SLC9A9: variants seen among roughly 807,000 people sequenced by gnomAD.
SLC9A9 encodes solute carrier family 9 member A9.
Under a neutral mutation model 77.8 loss-of-function variants are expected in SLC9A9, and 62 were observed. That is an observed-to-expected ratio of 0.80 (90% CI 0.65 to 0.98). The LOEUF is 0.98. Among genes scored for constraint, SLC9A9 ranks in the 50% least tolerant of loss-of-function variants. The pLI is 0.00. For missense variants in SLC9A9, 775 were observed against 774.9 expected (o/e 1.00, Z 0.00); for synonymous variants, 320 against 283.5 (o/e 1.13, Z -1.29).
rs112818143 is a variant in SLC9A9 at position 143,651,888 on chromosome 3, G to T, written c.755+367C>A. Among the ~76,000 whole-genome samples, 547 of 152,226 alleles carry T rather than the reference G, an allele frequency of 3.6e-3. 6 individuals are homozygous for T. Among genetic ancestry groups the T allele is most frequent in the African/African-American group, 0.013 (526 of 41,512 alleles). ...TGCCAATCTGCCCATAAATACAAGG[G>T]TTTCTATTAGACTATTATCTGGAAA... On this transcript the variant is annotated intron_variant, in intron 6 of 15. Transcript: ENST00000316549.
chr3:143,517,524 T>C, intron 9 of SLC9A9: 2 of 1,597,660 alleles, frequency 1.3e-6, no homozygotes, highest in Middle Eastern at 2.3e-4. Flanking sequence ...TCATACTTTC[T>C]CCGATGTTCT....
chr3:143,700,182 C>G (rs1243209972), intron 4 of SLC9A9, among the ~76,000 whole-genome samples: 1 of 152,082 alleles, frequency 6.6e-6, no homozygotes, highest in African/African-American at 2.4e-5. Context: ...TAACCAGCAA[C>G]AATACCCATG....
At chr3:143,786,151 G>A (rs972977509) in intron 4 of SLC9A9, among the ~76,000 whole-genome samples, 3 of 152,002 alleles carry the variant, frequency 2.0e-5, no homozygotes, top group East Asian at 1.9e-4. Flanking sequence ...CACCGCGCCC[G>A]GCCAACTTGA....
intron 12 of SLC9A9, among the ~76,000 whole-genome samples, chr3:143,430,327 G>A (rs548556386): frequency 6.6e-6 from 1 of 152,288 alleles, no homozygotes; most frequent in South Asian, 2.1e-4. Flanking sequence ...TCACTTGGAA[G>A]GGGAGGATAG....
chr3:143,408,620 C>G (rs1559903044), intron 12 of SLC9A9, among the ~76,000 whole-genome samples: 1 of 152,190 alleles, frequency 6.6e-6, no homozygotes, highest in East Asian at 1.9e-4. Flanking sequence ...GCGAAATTCT[C>G]CAGATTAAAT....
intron 9 of SLC9A9, among the ~76,000 whole-genome samples, chr3:143,501,373 A>G (rs956378734): frequency 6.6e-6 from 1 of 150,846 alleles, no homozygotes; most frequent in Admixed American, 6.6e-5. Context: ...GGACATTTGC[A>G]TAATTTTAAT....
intron 4 of SLC9A9, among the ~76,000 whole-genome samples, chr3:143,718,736 T>C (rs1261471418): frequency 6.6e-6 from 1 of 152,236 alleles, no homozygotes; most frequent in Non-Finnish European, 1.5e-5. Flanking sequence ...CAGTATCTCG[T>C]GTATTGAACA....
chr3:143,277,855 T>G (rs769337044), intron 14 of SLC9A9, among the ~76,000 whole-genome samples: 1 of 152,168 alleles, frequency 6.6e-6, no homozygotes, highest in Non-Finnish European at 1.5e-5. Flanking sequence ...ACTGTGCTCC[T>G]CCGTTCCAAG....
chr3:143,384,654 T>A (rs2033379247), intron 12 of SLC9A9, among the ~76,000 whole-genome samples: 1 of 152,130 alleles, frequency 6.6e-6, no homozygotes, highest in African/African-American at 2.4e-5. Context: ...TTCTTTCATT[T>A]GATGGGGACT....
chr3:143,528,472 A>C (rs754104919), intron 9 of SLC9A9, among the ~76,000 whole-genome samples: 3 of 152,214 alleles, frequency 2.0e-5, no homozygotes, highest in Non-Finnish European at 4.4e-5. Context: ...CAGTGTGATA[A>C]GTGGGTGATC....
intron 9 of SLC9A9, among the ~76,000 whole-genome samples, chr3:143,530,668 A>AAC (rs1350423871): frequency 2.1e-5 from 3 of 141,250 alleles, no homozygotes; most frequent in South Asian, 2.2e-4. Flanking sequence ...CAAACAAACA[A>AAC]ACAAACAAAA....
intron 12 of SLC9A9, among the ~76,000 whole-genome samples, chr3:143,390,929 G>A (rs1484777563): frequency 6.6e-6 from 1 of 152,232 alleles, no homozygotes; most frequent in Non-Finnish European, 1.5e-5. Flanking sequence ...GCTGAGGCTT[G>A]AGTAGGTAAA....
At chr3:143,775,596 G>T (rs183087422) in intron 4 of SLC9A9, among the ~76,000 whole-genome samples, 156 of 152,332 alleles carry the variant, frequency 1.0e-3, no homozygotes, top group African/African-American at 3.6e-3. Context: ...CTGCTGAGCT[G>T]CAGCTGGTGT....
chr3:143,571,967 G>A (rs1170808401), intron 8 of SLC9A9, among the ~76,000 whole-genome samples: 1 of 152,224 alleles, frequency 6.6e-6, no homozygotes, highest in East Asian at 1.9e-4. Flanking sequence ...TGTAGCAAAT[G>A]TCTGTTAGGC....
At chr3:143,782,699 G>A (rs576763077) in intron 4 of SLC9A9, among the ~76,000 whole-genome samples, 6 of 152,268 alleles carry the variant, frequency 3.9e-5, no homozygotes, top group Admixed American at 6.5e-5. Flanking sequence ...CTATCTCTTC[G>A]TCAGTGAAAG....
chr3:143,387,283 A>C (rs2033450786), intron 12 of SLC9A9, among the ~76,000 whole-genome samples: 1 of 152,232 alleles, frequency 6.6e-6, no homozygotes, highest in Non-Finnish European at 1.5e-5. Flanking sequence ...AAGGAAGGTG[A>C]AAAGGAAAGA....
At position 143,493,743 on chromosome 3, in the gene SLC9A9, C is replaced by G. The variant is rs1248614031; in HGVS notation, c.1225G>C (p.Ala409Pro). The G allele has an allele frequency of 1.2e-6, 2 of 1,613,960 alleles. No individual in the cohort carries two copies. The part of the protein sequence containing the change: ...GAFLAIFVAR[A>P]CNIYPLSFLL... ...AAGGAGAGGGGATATATGTTGCAGG[C>G]TCTGGCAACAAAAATTGCTAGCTGT... Residue 409 changes from alanine (A) to proline (P), a missense_variant, in exon 11 of 16, where the codon GCC (alanine) becomes CCC (proline). Coordinates refer to ENST00000316549, the MANE Select transcript of SLC9A9 (RefSeq NM_173653.4).
At chr3:143,441,974 A>G (rs1238381969) in intron 12 of SLC9A9, among the ~76,000 whole-genome samples, 5 of 151,318 alleles carry the variant, frequency 3.3e-5, no homozygotes, top group African/African-American at 1.2e-4. Flanking sequence ...TACCCACCTG[A>G]CCACCCATAC....
intron 12 of SLC9A9, among the ~76,000 whole-genome samples, chr3:143,385,280 T>G (rs1400356750): frequency 2.0e-5 from 3 of 152,214 alleles, no homozygotes; most frequent in African/African-American, 7.2e-5. Flanking sequence ...GTCAAATTTA[T>G]TTTTATTTTC....
Sources: allele counts gnomAD v4.1 joint callset (sites outside exome capture counted in the v4.1 genomes callset), GRCh38; gene constraint gnomAD v4.1.1; transcripts MANE v1.5; gene names NCBI Gene and HGNC (gene_info 2026-07-23, HGNC 2026-07-21).